The following CREBL2 variants were observed in gnomAD, a reference collection of about 807,000 sequenced individuals.
The protein encoded by CREBL2 is cAMP responsive element binding protein like 2, also known as cAMP-responsive element-binding protein-like 2.
A neutral mutation model predicts 19.5 loss-of-function variants in CREBL2; 4 were observed. The observed-to-expected ratio is 0.20, with a 90% CI of 0.10 to 0.47. The LOEUF (loss-of-function observed/expected upper bound fraction) is 0.47. Among genes scored for constraint, CREBL2 ranks in the 20% least tolerant of loss-of-function variants. The pLI is 0.98. For synonymous variants in CREBL2, 42 were observed against 46.6 expected, an observed-to-expected ratio of 0.90 and a Z score of 0.40; for missense variants, 85 against 145.1, an observed-to-expected ratio of 0.59 and a Z score of 2.13.
chr12:12,613,970 CTTTCT>C (rs1467049050), intron 1 of CREBL2, among the ~76,000 whole-genome samples: 1 of 112,266 alleles, frequency 8.9e-6, no homozygotes, highest in Non-Finnish European at 1.9e-5. Flanking sequence ...CATCACACTT[CTTTCT>C]TTTTTCTTTT....
chr12:12,624,296 G>A (rs1945383749), intron 1 of CREBL2, among the ~76,000 whole-genome samples: 1 of 152,220 alleles, frequency 6.6e-6, no homozygotes, highest in South Asian at 2.1e-4. Flanking sequence ...TTAAAAGAAA[G>A]GTTAATCTGG....
rs968285525 is a variant in CREBL2, at chr12:12,611,882, G to C, written c.-291G>C. 4 of 504,882 alleles carry C rather than the reference G, an allele frequency of 7.9e-6. No individual in the cohort carries two copies. The highest frequency in any genetic ancestry group is 1.4e-5 in the Non-Finnish European group (4 of 285,070). 31.3% of individuals were successfully genotyped at this position (504,882 alleles called of 1,614,324 possible). A position where few individuals can be genotyped will look rare whatever the true frequency, so the allele number is the denominator to read the frequency against. On this transcript the variant is annotated 5_prime_UTR_variant, in exon 1 of 4. Transcript: ENST00000228865. ...GCGCTCCCGCCCACCCTCCGGTCTC[G>C]GCGGCTCTCCAGAGCGTCTGTAAAC...
intron 1 of CREBL2, among the ~76,000 whole-genome samples, chr12:12,612,550 C>G (rs1396690907): frequency 6.6e-6 from 1 of 152,096 alleles, no homozygotes; most frequent in Non-Finnish European, 1.5e-5. Flanking sequence ...CACGCTGAAC[C>G]AGCCTTATTC....
At chr12:12,634,020 C>A (rs970990783) in intron 1 of CREBL2, among the ~76,000 whole-genome samples, 1 of 152,144 alleles carries the variant, frequency 6.6e-6, no homozygotes, top group African/African-American at 2.4e-5. Context: ...TCATTCAGAA[C>A]CATGTCAGAA....
At chr12:12,614,961 GATTCT>G (rs1945298558) in intron 1 of CREBL2, 5 of 203,498 alleles carry the variant, frequency 2.5e-5, no homozygotes, top group Admixed American at 5.4e-5. Context: ...GGATTTAAGC[GATTCT>G]CCAGCCCCAG....
At chr12:12,631,181 C>G (rs1945439620) in intron 1 of CREBL2, among the ~76,000 whole-genome samples, 1 of 152,194 alleles carries the variant, frequency 6.6e-6, no homozygotes, top group Non-Finnish European at 1.5e-5. Flanking sequence ...TGTCTAACAT[C>G]TTTAATAGCC....
rs940617280 is a variant in CREBL2, at chr12:12,611,938, A to C, written c.-235A>C. 3.1e-5 allele frequency: 18 copies of C among 577,292 alleles called. No individual in the cohort carries two copies. The highest frequency in any genetic ancestry group is 1.3e-4 in the South Asian group (6 of 47,776). 35.8% of individuals were successfully genotyped at this position (577,292 alleles called of 1,614,324 possible). A position where few individuals can be genotyped will look rare whatever the true frequency, so the allele number is the denominator to read the frequency against. On this transcript the variant is annotated 5_prime_UTR_variant, in exon 1 of 4. Transcript: ENST00000228865. ...GAGACTGTCATGGAGGGGGAGGAGG[A>C]GGCGGCGGCGGCGAAGGGAGGCGTT...
intron 1 of CREBL2, among the ~76,000 whole-genome samples, chr12:12,622,510 G>T (rs974278169): frequency 3.9e-5 from 6 of 152,186 alleles, no homozygotes; most frequent in African/African-American, 1.4e-4. Context: ...TTAAAAAGAG[G>T]ACTTACCAGT....
chr12:12,633,889 T>G (rs542906237), intron 1 of CREBL2, among the ~76,000 whole-genome samples: 1 of 152,362 alleles, frequency 6.6e-6, no homozygotes, highest in African/African-American at 2.4e-5. Context: ...TGCCAGTGTT[T>G]GAATTTTGCA....
At chr12:12,631,905 C>T (rs1449491007) in intron 1 of CREBL2, among the ~76,000 whole-genome samples, 1 of 151,910 alleles carries the variant, frequency 6.6e-6, no homozygotes, top group Non-Finnish European at 1.5e-5. Context: ...GTTATACTTA[C>T]TCTCTTAGAA....
chr12:12,622,474 T>TA (rs1945366811), intron 1 of CREBL2, among the ~76,000 whole-genome samples: 1 of 152,182 alleles, frequency 6.6e-6, no homozygotes, highest in East Asian at 1.9e-4. Flanking sequence ...ACAGGGCTGT[T>TA]ATGCCATCTA....
rs1398518535 is a variant in CREBL2 at position 12,615,219 on chromosome 12, C to CTGCCATGTTGGCCAGGCTGACAGGGTTT, written c.15+3052_15+3079dup. Among the ~76,000 whole-genome samples, 141 of 152,252 alleles carry CTGCCATGTTGGCCAGGCTGACAGGGTTT rather than the reference C, an allele frequency of 9.3e-4. 3 individuals carry two copies. The East Asian group carries it at 0.022, about 24-fold the overall frequency. On this transcript the variant is annotated intron_variant, in intron 1 of 3. Transcript: ENST00000228865. ...TCTTAGAGATAGGGTTTATTAGAGC[C>CTGCCATGTTGGCCAGGCTGACAGGGTTT]TGCCATGTTGGCCAGGCTGACAGGG...
At chr12:12,617,660 T>A (rs1312927778) in intron 1 of CREBL2, among the ~76,000 whole-genome samples, 5 of 110,634 alleles carry the variant, frequency 4.5e-5, no homozygotes, top group African/African-American at 1.5e-4. Context: ...TTTTTTTTTT[T>A]TTTTTTTTTT....
chr12:12,630,538 G>A (rs1005949347), intron 1 of CREBL2, among the ~76,000 whole-genome samples: 1 of 151,954 alleles, frequency 6.6e-6, no homozygotes, highest in Non-Finnish European at 1.5e-5. Context: ...ATCCTTTTGA[G>A]GAACAATCTT....
At position 12,625,655 on chromosome 12, in the gene CREBL2, T is replaced by G. The variant is rs570396696; in HGVS notation, c.16-10122T>G. Among the ~76,000 whole-genome samples, 15 of 152,336 alleles carry G rather than the reference T, an allele frequency of 9.8e-5. 1 individual carries two copies. In the East Asian group the frequency reaches 2.7e-3, roughly 27 times the overall value. ...GGGACTTGGGTTCTAGTCCTTGCTC[T>G]GATGGAAGTCTCTGGACTAAAATCT... On this transcript the variant is annotated intron_variant, in intron 1 of 3. Coordinates refer to ENST00000228865, the MANE Select transcript of CREBL2 (RefSeq NM_001310.4).
chr12:12,628,057 T>A (rs1171629007), intron 1 of CREBL2, among the ~76,000 whole-genome samples: 2 of 152,110 alleles, frequency 1.3e-5, no homozygotes, highest in African/African-American at 4.8e-5. Flanking sequence ...TTGTTTTTTA[T>A]TTTTAGTAGA....
rs1945537188 is a variant in CREBL2 at position 12,643,053 on chromosome 12, T to G, written c.*1055T>G. Reference sequence around the variant, plus strand: ...TGTAGCCATCACCAGAACACTTAGTTTCTTCCCAGACATGAATTTCCTGAC... The same window carrying G: ...TGTAGCCATCACCAGAACACTTAGTGTCTTCCCAGACATGAATTTCCTGAC... On this transcript the variant is annotated 3_prime_UTR_variant, in exon 4 of 4. Transcript: ENST00000228865. The G allele has an allele frequency of 6.6e-6, 1 of 152,656 alleles. No individual in the cohort carries two copies. Among genetic ancestry groups the G allele is most frequent in the Non-Finnish European group, 1.5e-5 (1 of 68,048 alleles). 9.5% of individuals were successfully genotyped at this position (152,656 alleles called of 1,614,324 possible).
chr12:12,637,645 C>G lies in CREBL2; in HGVS notation c.289C>G (p.Gln97Glu). The G allele has an allele frequency of 3.1e-6, 5 of 1,613,550 alleles. No individual in the cohort carries two copies. The highest frequency in any genetic ancestry group is 4.2e-6 in the Non-Finnish European group (5 of 1,179,680). ...AAAGGCCCTACTCACTGGAGAAGAG[C>G]AGAACAAATCTCAGCAGAACTCAAG... Reference protein sequence around the residue: ...EIKALLTGEEQNKSQQNSSRH... With the variant: ...EIKALLTGEEENKSQQNSSRH... Residue 97 changes from glutamine (Q) to glutamate (E), a missense_variant, in exon 3 of 4, where the codon CAG becomes GAG. Around this residue, in one of 5 missense-constraint regions of CREBL2, gnomAD observed 42 missense variants for 38.4 expected, o/e 1.09. Transcript: ENST00000228865.
At chr12:12,630,985 A>G (rs181712872) in intron 1 of CREBL2, among the ~76,000 whole-genome samples, 137 of 152,364 alleles carry the variant, frequency 9.0e-4, no homozygotes, top group African/African-American at 3.2e-3. Flanking sequence ...ACTAAGAATT[A>G]TATGACACAG....
Sources: gnomAD v4.1 joint callset for allele counts (sites outside exome capture counted in the v4.1 genomes callset) on GRCh38, gnomAD v4.1.1 for gene constraint, gnomAD v4.1.1 regional missense constraint, MANE v1.5 for transcripts, NCBI Gene and HGNC (gene_info 2026-07-23, HGNC 2026-07-21) for gene names.